The following CSMD1 variants were observed in gnomAD, a reference collection of about 807,000 sequenced individuals.
CSMD1 encodes CUB and Sushi multiple domains 1.
Under a neutral mutation model 417.5 loss-of-function variants are expected in CSMD1, and 213 were observed. That is an observed-to-expected ratio of 0.51 (90% confidence interval 0.46 to 0.57). CSMD1 has a LOEUF of 0.57. Among genes scored for constraint, CSMD1 ranks in the 20% least tolerant of loss-of-function variants. The pLI is 0.00. For synonymous variants in CSMD1, 2,862 were observed against 1,736.8 expected, an observed-to-expected ratio of 1.65 and a Z score of -16.11; for missense variants, 6,923 against 4,529.7, an observed-to-expected ratio of 1.53 and a Z score of -15.17.
At chr8:3,188,074 A>G (rs1796170693) in intron 35 of CSMD1, 109 bp from the exon 36 acceptor site, 1 of 399,546 alleles carries the variant, frequency 2.5e-6, no homozygotes, top group Non-Finnish European at 4.5e-6. Flanking sequence ...GTATATATAT[A>G]TACATATGTA....
intron 3 of CSMD1, among the ~76,000 whole-genome samples, chr8:4,402,806 T>C (rs1278360228): frequency 9.0e-5 from 6 of 66,804 alleles, no homozygotes; most frequent in African/African-American, 2.5e-4. Flanking sequence ...TTTTCTTTTT[T>C]TTTTTTTTTT....
At chr8:3,169,774 G>C (rs1424545843) in intron 37 of CSMD1, among the ~76,000 whole-genome samples, 3 of 152,102 alleles carry the variant, frequency 2.0e-5, no homozygotes, top group Non-Finnish European at 2.9e-5. Context: ...TTTTCAAATA[G>C]CATGCTCAGC....
chr8:4,166,568 G>T (rs1041753196), intron 3 of CSMD1, among the ~76,000 whole-genome samples: 1 of 152,102 alleles, frequency 6.6e-6, no homozygotes, highest in African/African-American at 2.4e-5. Context: ...GGATACAAAG[G>T]CATGAGAATG....
intron 26 of CSMD1, among the ~76,000 whole-genome samples, chr8:3,240,950 G>A (rs1299031963): frequency 2.0e-5 from 3 of 151,862 alleles, no homozygotes; most frequent in Non-Finnish European, 2.9e-5. Context: ...GCATGCTGTG[G>A]GATGGGATAT....
intron 41 of CSMD1, among the ~76,000 whole-genome samples, chr8:3,140,305 G>C (rs1176066964): frequency 1.3e-5 from 2 of 151,534 alleles, no homozygotes; most frequent in Non-Finnish European, 2.9e-5. Flanking sequence ...TTTTGTTGTG[G>C]GAAGTTGCTT....
chr8:3,990,662 G>C (rs912209066), intron 5 of CSMD1, among the ~76,000 whole-genome samples: 3 of 152,158 alleles, frequency 2.0e-5, no homozygotes, highest in Admixed American at 6.5e-5. Context: ...GATTGCTCTA[G>C]AATGCTATTT....
At chr8:4,598,991 T>C (rs1800430126) in intron 2 of CSMD1, among the ~76,000 whole-genome samples, 2 of 152,202 alleles carry the variant, frequency 1.3e-5, no homozygotes, top group African/African-American at 2.4e-5. Context: ...AAGTTACGTG[T>C]ACCAGAAAAA....
At chr8:3,811,130 T>C (rs1801050496) in intron 5 of CSMD1, among the ~76,000 whole-genome samples, 1 of 152,338 alleles carries the variant, frequency 6.6e-6, no homozygotes, top group East Asian at 1.9e-4. Context: ...CCTATGTCCA[T>C]AACTCCTCTA....
intron 10 of CSMD1, among the ~76,000 whole-genome samples, chr8:3,509,633 A>G (rs1427759261): frequency 1.3e-5 from 2 of 152,220 alleles, no homozygotes; most frequent in African/African-American, 2.4e-5. Context: ...TGGGAAAGGG[A>G]AGAAGCTATA....
At position 3,261,024 on chromosome 8, in the gene CSMD1, C is replaced by T. The variant is rs573100996; in HGVS notation, c.4153+23120G>A. 2.6e-5 allele frequency among the ~76,000 whole-genome samples: 4 copies of T among 152,220 alleles called. No individual in the cohort carries two copies. In the East Asian group the frequency reaches 5.8e-4, roughly 22 times the overall value. ...ACAACAAACAAATACCAAAAAAAAC[C>T]TTTCACTGTAGAGGAAACACAGGTG... On this transcript the variant is annotated intron_variant, in intron 26 of 69. Transcript: ENST00000635120.
chr8:3,115,651 C>A (rs1390750889), intron 42 of CSMD1, among the ~76,000 whole-genome samples: 1 of 152,144 alleles, frequency 6.6e-6, no homozygotes, highest in Admixed American at 6.6e-5. Context: ...TTTCAGATCA[C>A]AGTTTTTCAG....
intron 3 of CSMD1, among the ~76,000 whole-genome samples, chr8:4,289,939 T>C (rs995146982): frequency 1.3e-5 from 2 of 152,262 alleles, no homozygotes; most frequent in East Asian, 1.9e-4. Context: ...AGAATCATTA[T>C]TGACCTCTTC....
At chr8:4,479,972 A>C in intron 2 of CSMD1, among the ~76,000 whole-genome samples, 1 of 151,186 alleles carries the variant, frequency 6.6e-6, no homozygotes, top group East Asian at 1.9e-4. Flanking sequence ...TCTCAAAAAA[A>C]AAAAAAAATA....
intron 2 of CSMD1, among the ~76,000 whole-genome samples, chr8:4,510,470 G>GAAGAGAC (rs1295066957): frequency 7.0e-6 from 1 of 142,460 alleles, no homozygotes; most frequent in Non-Finnish European, 1.5e-5. Context: ...AGGGACAAGG[G>GAAGAGAC]AAGAGACTTC....
chr8:4,353,945 CTTCATCAGCCCTCT>C (rs1801247561), intron 3 of CSMD1, among the ~76,000 whole-genome samples: 1 of 152,124 alleles, frequency 6.6e-6, no homozygotes, highest in East Asian at 1.9e-4. Flanking sequence ...TATTAGGGAA[CTTCATCAGCCCTCT>C]ATGATGATAT....
At chr8:3,940,194 A>G (rs1361882168) in intron 5 of CSMD1, among the ~76,000 whole-genome samples, 2 of 151,964 alleles carry the variant, frequency 1.3e-5, no homozygotes, top group African/African-American at 4.8e-5. Context: ...CATGCTTATT[A>G]TTTTTGAAAA....
At chr8:3,818,241 G>A (rs1801508158) in intron 5 of CSMD1, among the ~76,000 whole-genome samples, 1 of 152,022 alleles carries the variant, frequency 6.6e-6, no homozygotes, top group African/African-American at 2.4e-5. Flanking sequence ...TGCAGCCCCT[G>A]GGTCCGTGCA....
intron 41 of CSMD1, chr8:3,127,688 T>C (rs1159849228): frequency 6.6e-6 from 1 of 152,208 alleles, no homozygotes; most frequent in African/African-American, 2.4e-5. Flanking sequence ...CAGTGGAACT[T>C]TGAAAATAAA....
At chr8:4,981,581 T>C (rs142866990) in intron 1 of CSMD1, among the ~76,000 whole-genome samples, 2 of 152,364 alleles carry the variant, frequency 1.3e-5, no homozygotes, top group African/African-American at 4.8e-5. Flanking sequence ...TTATGTTTGT[T>C]CTTCCTATAA....
Sources: allele counts gnomAD v4.1 joint callset (sites outside exome capture counted in the v4.1 genomes callset), GRCh38; gene constraint gnomAD v4.1.1; transcripts MANE v1.5; gene names NCBI Gene and HGNC (gene_info 2026-07-23, HGNC 2026-07-21).